Variants in KPTN observed in about 807,000 individuals in gnomAD.
The protein encoded by KPTN is kaptin, actin binding protein.
In KPTN, 36 loss-of-function variants were observed where a neutral mutation model predicts 52.6. That is an observed-to-expected ratio of 0.68 (90% CI 0.52 to 0.90). KPTN has a LOEUF of 0.90. Among genes scored for constraint, KPTN ranks in the 40% least tolerant of loss-of-function variants. The pLI is 0.00. For missense variants in KPTN, 529 were observed against 576.2 expected, an observed-to-expected ratio of 0.92 and a Z score of 0.84; for synonymous variants, 271 against 248.4, an observed-to-expected ratio of 1.09 and a Z score of -0.85.
At chr19:47,483,782 C>A in intron 1 of KPTN, 153 bp downstream of exon 1, 1 of 1,123,578 alleles carries the variant, frequency 8.9e-7, no homozygotes, top group Non-Finnish European at 1.3e-6. Context: ...CTCATCCGGG[C>A]CCCAACTATG....
At chr19:47,477,628 C>T (rs555758371) in intron 9 of KPTN, 78 bp downstream of exon 9, 1 of 1,095,186 alleles carries the variant, frequency 9.1e-7, no homozygotes, top group South Asian at 1.3e-5. Context: ...GAGGAACTTA[C>T]TGTAGAGAAT....
chr19:47,475,333 C>A lies in KPTN; in HGVS notation c.*83G>T. On this transcript the variant is annotated 3_prime_UTR_variant, in exon 12 of 12. Coordinates refer to ENST00000338134, the MANE Select transcript of KPTN (RefSeq NM_007059.4). ...GGGAGGTCTGGGGAGAGCATCCTGT[C>A]CTTCAGGACACCCCCCACCAGCGGC... 1 of 1,517,016 alleles carries A rather than the reference C, an allele frequency of 6.6e-7. No individual in the cohort carries two copies. Among genetic ancestry groups the A allele is most frequent in the South Asian group, 1.2e-5 (1 of 80,990 alleles). The allele number at this position is 1,517,016 out of a possible 1,614,324, so 94.0% of individuals were successfully genotyped here.
chr19:47,482,919 C>T (rs573418929), intron 4 of KPTN, among the ~76,000 whole-genome samples: 1 of 152,294 alleles, frequency 6.6e-6, no homozygotes, highest in Admixed American at 6.5e-5. Context: ...GTTGGCCAGG[C>T]TGGTCTCAAA....
rs760641913 is a variant in KPTN at position 47,483,972 on chromosome 19, C to A, written c.189G>T (p.Arg63=). The change falls in exon 1 of 12, where the codon CGG becomes CGT. Residue 63 remains arginine (R), a synonymous_variant. Coordinates refer to ENST00000338134, the MANE Select transcript of KPTN (RefSeq NM_007059.4). The part of the protein sequence containing the change: ...FRYQDLRQKI[R]PVAKELQFNY... Reference sequence around the variant, plus strand: ...TGAACTGCAGCTCCTTGGCCACTGGCCGGATTTTCTGTCGGAGGTCTTGGT... The same window carrying A: ...TGAACTGCAGCTCCTTGGCCACTGGACGGATTTTCTGTCGGAGGTCTTGGT... 97 of 1,613,622 alleles carry A rather than the reference C, an allele frequency of 6.0e-5. No individual in the cohort carries two copies. The highest frequency in any genetic ancestry group is 8.0e-5 in the Non-Finnish European group (94 of 1,179,996).
rs1967833928 is a variant in KPTN, at chr19:47,480,374, G to A, written c.633C>T (p.Gly211=). ...VLWLDVHNFP[G]TSRRLSALGC... Reference sequence around the variant, plus strand: ...CCAGAGCTGAGAGGCGCCGGGACGTGCCGGGGAAGTTGTGGACGTCCAGCC... The same window carrying A: ...CCAGAGCTGAGAGGCGCCGGGACGTACCGGGGAAGTTGTGGACGTCCAGCC... The change falls in exon 7 of 12, where the codon GGC becomes GGT. Residue 211 remains glycine (G), a synonymous_variant. Coordinates refer to ENST00000338134, the MANE Select transcript of KPTN (RefSeq NM_007059.4). 1.3e-6 allele frequency: 2 copies of A among 1,549,554 alleles called. No individual in the cohort carries two copies. Among genetic ancestry groups the A allele is most frequent in the Non-Finnish European group, 1.7e-6 (2 of 1,146,392 alleles).
chr19:47,476,646 C>T lies in KPTN; in HGVS notation c.1068G>A (p.Leu356=). Residue 356 remains leucine, a synonymous_variant, in exon 11 of 12, where the codon CTG becomes CTA. Transcript: ENST00000338134. ...GACTGGAGAAGCTCCGCTGCCACAGCAGATGGAACCCGTGCTGGGCCTCAG... is the reference window on the plus strand; with the variant it reads ...GACTGGAGAAGCTCCGCTGCCACAGTAGATGGAACCCGTGCTGGGCCTCAG... ...GLPEAQHGFH[L]LWQRSFSSPL... 6.2e-7 allele frequency: 1 copy of T among 1,613,010 alleles called. No individual in the cohort carries two copies. Among genetic ancestry groups the T allele is most frequent in the Non-Finnish European group, 8.5e-7 (1 of 1,179,800 alleles).
In KPTN at chr19:47,484,149, C is replaced by G. The variant is rs1227302580; in HGVS notation, c.12G>C (p.Glu4Asp). MMGEAAVAAGPCPL... is the reference protein window; with the variant it reads MMGDAAVAAGPCPL... ...GACAAGGCCCCGCGGCCACGGCCGCCTCCCCCATCATGCCCCTCAGTTAAG... is the reference window on the plus strand; with the variant it reads ...GACAAGGCCCCGCGGCCACGGCCGCGTCCCCCATCATGCCCCTCAGTTAAG... The change falls in exon 1 of 12, where the codon GAG (glutamate) becomes GAC (aspartate). Residue 4 changes from glutamate to aspartate, a missense_variant. Coordinates refer to ENST00000338134, the MANE Select transcript of KPTN (RefSeq NM_007059.4). 6.3e-7 allele frequency: 1 copy of G among 1,596,860 alleles called. No homozygotes were observed. The highest frequency in any genetic ancestry group is 8.5e-7 in the Non-Finnish European group (1 of 1,178,348).
chr19:47,475,696 C>T (rs1258907659), intron 11 of KPTN, 152 bp from the exon 12 acceptor site: 1 of 885,838 alleles, frequency 1.1e-6, no homozygotes, highest in Non-Finnish European at 1.7e-6. Context: ...TGGGAATGGG[C>T]CTCTGTGACA....
At chr19:47,485,167 CCTA>C (rs1284306227), upstream of KPTN, among the ~76,000 whole-genome samples, 2 of 152,164 alleles carry the variant, frequency 1.3e-5, no homozygotes, top group Non-Finnish European at 2.9e-5. Context: ...TCTGCAAGGG[CCTA>C]CTGTTACCCT....
rs964216382 is a variant in KPTN, at chr19:47,483,965, C to G, written c.196G>C (p.Ala66Pro). ...QDLRQKIRPV[A>P]KELQFNYIPV... ...ATGTAGTTGAACTGCAGCTCCTTGG[C>G]CACTGGCCGGATTTTCTGTCGGAGG... is the stretch of plus-strand genomic sequence containing the variant. The change falls in exon 1 of 12, where the codon GCC (alanine) becomes CCC (proline). Residue 66 changes from alanine to proline, a missense_variant. Transcript: ENST00000338134. 1 of 1,613,728 alleles carries G rather than the reference C, an allele frequency of 6.2e-7. No individual in the cohort carries two copies. Among genetic ancestry groups the G allele is most frequent in the Non-Finnish European group, 8.5e-7 (1 of 1,180,006 alleles).
At position 47,476,897 on chromosome 19, in the gene KPTN, G is replaced by T. The variant is rs1208981531; in HGVS notation, c.905C>A (p.Pro302His). Residue 302 changes from proline (P) to histidine (H), a missense_variant, in exon 10 of 12, where the codon CCC becomes CAC. Coordinates refer to ENST00000338134, the MANE Select transcript of KPTN (RefSeq NM_007059.4). ...NRGLEDQLLL[P>H]GSDQFDSVLC... is the part of the protein sequence containing the mutation. ...GACGCTGTCAAACTGGTCACTGCCG[G>T]GCAGGAGAAGCTGGTCTTCAAGACC... 6.4e-7 allele frequency: 1 copy of T among 1,560,248 alleles called. No individual in the cohort carries two copies. Among genetic ancestry groups the T allele is most frequent in the Admixed American group, 1.9e-5 (1 of 51,948 alleles).
chr19:47,476,750 G>A (rs773394938), intron 10 of KPTN, 36 bp from the exon 11 acceptor site: 3 of 1,605,422 alleles, frequency 1.9e-6, no homozygotes, highest in Middle Eastern at 1.6e-4. Context: ...ACAGGTTGAT[G>A]GGGGGACAGT....
chr19:47,475,490 C>A lies in KPTN; in HGVS notation c.1237G>T (p.Glu413Ter). 6.2e-7 allele frequency: 1 copy of A among 1,613,582 alleles called. No individual in the cohort carries two copies. Among genetic ancestry groups the A allele is most frequent in the Non-Finnish European group, 8.5e-7 (1 of 1,179,594 alleles). Residue 413 changes from glutamate to a stop codon, truncating the protein, a stop_gained, in exon 12 of 12, where the codon GAG (glutamate) becomes TAG (stop). Transcript: ENST00000338134. LOFTEE classifies it low-confidence loss of function (END_TRUNC). ...LVLTRLRHQV[E>*]QRRRRLQGLE... Reference sequence around the variant, plus strand: ...CCCTGTAGCCGACGTCTCCTCTGCTCCACTTGATGTCGAAGCCGGGTCAAG... The same window carrying A: ...CCCTGTAGCCGACGTCTCCTCTGCTACACTTGATGTCGAAGCCGGGTCAAG...
chr19:47,482,514 A>G (rs1967918380), intron 4 of KPTN, among the ~76,000 whole-genome samples: 1 of 151,274 alleles, frequency 6.6e-6, no homozygotes, highest in South Asian at 2.1e-4. Context: ...AAAAAAGTGC[A>G]ATGCTTTAAA....
intron 1 of KPTN, 142 bp from the exon 2 acceptor site, chr19:47,483,726 A>G: frequency 1.1e-6 from 1 of 880,818 alleles, no homozygotes; most frequent in Non-Finnish European, 1.7e-6. Context: ...TTCCCTGGGT[A>G]CTAGGGATCC....
In KPTN at chr19:47,479,893, C is replaced by T. The variant is rs781659751; in HGVS notation, c.757G>A (p.Val253Met). The change falls in exon 8 of 12, where the codon GTG becomes ATG. Residue 253 changes from valine to methionine, a missense_variant. Transcript: ENST00000338134. The stretch of plus-strand genomic sequence containing the variant: ...GCGGCCGAGAGGCTGAACACAATCA[C>T]TCGGGAGATGGGACCGTCCTGCAGG... Reference protein sequence around the residue: ...SVLQDGPISRVIVFSLSAAKE... With the variant: ...SVLQDGPISRMIVFSLSAAKE... 6.2e-7 allele frequency: 1 copy of T among 1,613,746 alleles called. No homozygotes were observed. The highest frequency in any genetic ancestry group is 1.1e-5 in the South Asian group (1 of 91,044).
intron 1 of KPTN, 174 bp from the exon 2 acceptor site, chr19:47,483,758 C>T: frequency 2.1e-6 from 2 of 959,176 alleles, no homozygotes; most frequent in South Asian, 3.3e-5. Flanking sequence ...TCTGAAGAAT[C>T]CTGAAACCCT....
chr19:47,483,135 G>C, intron 4 of KPTN, 26 bp downstream of exon 4: 2 of 1,609,890 alleles, frequency 1.2e-6, no homozygotes, highest in Non-Finnish European at 1.7e-6. Context: ...CAGTGGAGTG[G>C]GCGTCGATGC....
In KPTN at chr19:47,477,794, C is replaced by T; in HGVS notation, c.788-13G>A. 1 of 1,606,346 alleles carries T rather than the reference C, an allele frequency of 6.2e-7. No individual in the cohort carries two copies. The highest frequency in any genetic ancestry group is 2.2e-5 in the East Asian group (1 of 44,760). ...CTGTCCTTGGTCTCTGGAGAAGAAA[C>T]ATGAATGGTAATCCCAGCACTTTGG... On this transcript the variant is annotated splice_polypyrimidine_tract_variant and intron_variant, in intron 8 of 11. Transcript: ENST00000338134.
Sources: allele counts gnomAD v4.1 joint callset (sites outside exome capture counted in the v4.1 genomes callset), GRCh38; gene constraint gnomAD v4.1.1; transcripts MANE v1.5; gene names NCBI Gene and HGNC (gene_info 2026-07-23, HGNC 2026-07-21).